Variants in MMUT observed in about 807,000 individuals in gnomAD.
MMUT encodes the protein methylmalonyl-CoA mutase, mitochondrial.
In MMUT, 79 loss-of-function variants were observed where a neutral mutation model predicts 79.9. The ratio of observed to expected loss-of-function variants is 0.99; its 90% CI spans 0.82 to 1.19. The LOEUF (loss-of-function observed/expected upper bound fraction) is 1.19. Among genes scored for constraint, MMUT ranks in the 50% most tolerant of loss-of-function variants. The pLI is 0.00. For missense variants in MMUT, 860 were observed against 917.2 expected (o/e 0.94, Z 0.81); for synonymous variants, 273 against 295.7 (o/e 0.92, Z 0.79).
intron 11 of MMUT, among the ~76,000 whole-genome samples, chr6:49,438,213 T>G (rs1767183877): frequency 6.6e-6 from 1 of 152,136 alleles, no homozygotes; most frequent in Non-Finnish European, 1.5e-5. Context: ...TACAATGTAC[T>G]TTCTAGTCAA....
rs762792688 is a variant in MMUT at position 49,447,718 on chromosome 6, T to C, written c.1512A>G (p.Ala504=). 2.9e-5 allele frequency: 47 copies of C among 1,612,114 alleles called. No individual in the cohort carries two copies. In the East Asian group the frequency reaches 1.0e-3, roughly 35 times the overall value. Residue 504 remains alanine (A), a synonymous_variant, in exon 8 of 13, where the codon GCA becomes GCG. Transcript: ENST00000274813. The stretch of plus-strand genomic sequence containing the variant: ...TGTTTCGCACTGAAGTATTATCAAT[T>C]GCCAGAACTTCTACAGCGTCTTCTT... ...LEKEDAVEVL[A]IDNTSVRNRQ... is the part of the protein sequence containing the mutation.
rs558215803 is a variant in MMUT at position 49,457,812 on chromosome 6, T to C, written c.632A>G (p.Glu211Gly). The part of the protein sequence containing the change: ...VTGEEQGVPK[E>G]KLTGTIQNDI... ...ATTTTGGATGGTACCAGTAAGCTTCTCTTTAGGTACACCTTGTTCTTCTCC... is the reference window on the plus strand; with the variant it reads ...ATTTTGGATGGTACCAGTAAGCTTCCCTTTAGGTACACCTTGTTCTTCTCC... The change falls in exon 3 of 13, where the codon GAG becomes GGG. Residue 211 changes from glutamate (E) to glycine (G), a missense_variant. Coordinates refer to ENST00000274813, the MANE Select transcript of MMUT (RefSeq NM_000255.4). 8.7e-6 allele frequency: 14 copies of C among 1,613,610 alleles called. No individual in the cohort carries two copies. The South Asian group carries it at 1.1e-4, about 13-fold the overall frequency.
intron 2 of MMUT, among the ~76,000 whole-genome samples, 164 bp downstream of exon 2, chr6:49,458,918 T>C (rs948624413): frequency 2.0e-5 from 3 of 152,198 alleles, no homozygotes; most frequent in Non-Finnish European, 4.4e-5. Context: ...TTCACTTATC[T>C]TTTTGACCAC....
chr6:49,459,389 C>T lies in MMUT; in HGVS notation c.78G>A (p.Arg26=), dbSNP rs750675392. The T allele has an allele frequency of 1.4e-5, 23 of 1,613,494 alleles. No homozygotes were observed. The highest frequency in any genetic ancestry group is 1.8e-5 in the Non-Finnish European group (21 of 1,179,858). The change falls in exon 2 of 13, where the codon AGG becomes AGA. Residue 26 remains arginine, a synonymous_variant. Transcript: ENST00000274813. ...LRQVKESSGS[R]LIQQRLLHQQ... ...GGTGTAGAAGTCGTTGCTGTATGAGCCTGGAGCCTGATGATTCTTTTACCT... is the reference window on the plus strand; with the variant it reads ...GGTGTAGAAGTCGTTGCTGTATGAGTCTGGAGCCTGATGATTCTTTTACCT...
chr6:49,447,876 T>A (rs1236444128), intron 7 of MMUT, 91 bp from the exon 8 acceptor site: 2 of 751,792 alleles, frequency 2.7e-6, no homozygotes, highest in Non-Finnish European at 4.6e-6. Flanking sequence ...AAATTTAATA[T>A]CTTTAAGTAG....
chr6:49,442,384 C>A (rs1476694287), intron 9 of MMUT, among the ~76,000 whole-genome samples: 2 of 152,042 alleles, frequency 1.3e-5, no homozygotes, highest in Non-Finnish European at 2.9e-5. Context: ...TAGCTGTGTG[C>A]CTAATATGTG....
chr6:49,436,458 G>T (rs1302848673), intron 11 of MMUT, among the ~76,000 whole-genome samples: 1 of 151,606 alleles, frequency 6.6e-6, no homozygotes, highest in Non-Finnish European at 1.5e-5. Flanking sequence ...TACAAAAATT[G>T]GCCAGGTATG....
Position 49,430,561 on chromosome 6 carries a change from A to G in MMUT, c.*1167T>C, listed in dbSNP as rs980004166. 2.0e-5 allele frequency: 3 copies of G among 152,220 alleles called. No individual in the cohort carries two copies. Among genetic ancestry groups the G allele is most frequent in the Non-Finnish European group, 2.9e-5 (2 of 68,040 alleles). The allele number at this position is 152,220 out of a possible 1,614,324, so 9.4% of individuals were successfully genotyped here. ...TAATCATGACAATACCATTCAGATA[A>G]TCATATTCTGAAAATTAAATACATT... On this transcript the variant is annotated 3_prime_UTR_variant, in exon 13 of 13. Transcript: ENST00000274813.
intron 2 of MMUT, 107 bp from the exon 3 acceptor site, chr6:49,458,165 C>T: frequency 9.1e-7 from 1 of 1,102,288 alleles, no homozygotes; most frequent in South Asian, 1.5e-5. Flanking sequence ...TAACAGTACA[C>T]TTTTATAACA....
rs1467301419 is a variant in MMUT, at chr6:49,457,954, T to C, written c.490A>G (p.Ile164Val). Reference protein sequence around the residue: ...RGDVGMAGVAIDTVEDTKILF... With the variant: ...RGDVGMAGVAVDTVEDTKILF... ...ATTTTGGTATCTTCCACAGTGTCAATAGCAACTCCAGCCATTCCAACATCA... is the reference window on the plus strand; with the variant it reads ...ATTTTGGTATCTTCCACAGTGTCAACAGCAACTCCAGCCATTCCAACATCA... The change falls in exon 3 of 13, where the codon ATT (isoleucine) becomes GTT (valine). Residue 164 changes from isoleucine (I) to valine (V), a missense_variant. Transcript: ENST00000274813. The C allele has an allele frequency of 1.2e-6, 2 of 1,611,716 alleles. No individual in the cohort carries two copies. Among genetic ancestry groups the C allele is most frequent in the South Asian group, 1.1e-5 (1 of 91,074 alleles).
chr6:49,447,654 A>T lies in MMUT; in HGVS notation c.1560+16T>A. On this transcript the variant is annotated intron_variant, in intron 8 of 12. Coordinates refer to ENST00000274813, the MANE Select transcript of MMUT (RefSeq NM_000255.4). Reference sequence around the variant, plus strand: ...GAAAATACTTAAAAAAAAAAAAAAAAGCAAGCTATTAATACCTTCTTAAGT... The same window carrying T: ...GAAAATACTTAAAAAAAAAAAAAAATGCAAGCTATTAATACCTTCTTAAGT... 6.9e-7 allele frequency: 1 copy of T among 1,459,854 alleles called. No individual in the cohort carries two copies. Among genetic ancestry groups the T allele is most frequent in the Non-Finnish European group, 9.6e-7 (1 of 1,043,946 alleles). 90.4% of individuals were successfully genotyped at this position (1,459,854 alleles called of 1,614,324 possible).
At chr6:49,456,600 C>A (rs1767697755) in intron 3 of MMUT, among the ~76,000 whole-genome samples, 1 of 152,078 alleles carries the variant, frequency 6.6e-6, no homozygotes, top group Admixed American at 6.5e-5. Flanking sequence ...ACTTGGACCT[C>A]ATAAGAGGTT....
intron 11 of MMUT, 23 bp downstream of exon 11, chr6:49,440,183 T>C: frequency 3.7e-6 from 6 of 1,613,682 alleles, no homozygotes; most frequent in Admixed American, 1.7e-5. Flanking sequence ...ACTTTTGAAA[T>C]TCCCCCCAAC....
In MMUT at chr6:49,451,450, A is replaced by G; in HGVS notation, c.1332+16T>C. ...TGTAAATTCTGAAAACAAAGTTGCA[A>G]AGTGGAAAAACTTACCTTTAAAGCA... is the stretch of plus-strand genomic sequence containing the variant. On this transcript the variant is annotated intron_variant, in intron 6 of 12. Coordinates refer to ENST00000274813, the MANE Select transcript of MMUT (RefSeq NM_000255.4). 1 of 1,613,476 alleles carries G rather than the reference A, an allele frequency of 6.2e-7. No homozygotes were observed. Among genetic ancestry groups the G allele is most frequent in the Non-Finnish European group, 8.5e-7 (1 of 1,179,676 alleles).
At chr6:49,452,474 AG>A (rs1278109991) in intron 5 of MMUT, among the ~76,000 whole-genome samples, 4 of 152,076 alleles carry the variant, frequency 2.6e-5, no homozygotes, top group Non-Finnish European at 2.9e-5. Flanking sequence ...CTGGGACTAT[AG>A]GTGCCTGCCA....
intron 3 of MMUT, among the ~76,000 whole-genome samples, chr6:49,456,540 T>TA (rs1561958554): frequency 6.6e-6 from 1 of 152,222 alleles, no homozygotes; most frequent in Non-Finnish European, 1.5e-5. Flanking sequence ...GTTAGGAATG[T>TA]AACCTTTGGC....
intron 1 of MMUT, among the ~76,000 whole-genome samples, chr6:49,460,635 G>A (rs1767818294): frequency 1.3e-5 from 2 of 152,152 alleles, no homozygotes; most frequent in Admixed American, 6.6e-5. Flanking sequence ...AAACTTGTCA[G>A]AGTCATACAG....
Position 49,453,757 on chromosome 6 carries a change from CT to C in MMUT, c.912-2del. ...TCCAATTCCCCAGAAGAAAGACAACCTAAAATAGTAACGTTAGGTCCAGAAT... is the reference window on the plus strand; with the variant it reads ...TCCAATTCCCCAGAAGAAAGACAACCAAAATAGTAACGTTAGGTCCAGAAT... On this transcript the variant is annotated splice_acceptor_variant, in intron 4 of 12. Transcript: ENST00000274813. LOFTEE classifies it high-confidence loss of function. 1 of 1,610,660 alleles carries C rather than the reference CT, an allele frequency of 6.2e-7. No individual in the cohort carries two copies. Among genetic ancestry groups the C allele is most frequent in the South Asian group, 1.1e-5 (1 of 90,994 alleles).
In MMUT at chr6:49,430,429, A is replaced by C. The variant is rs1007121910; in HGVS notation, c.*1299T>G. The C allele has an allele frequency of 1.3e-5, 2 of 152,206 alleles. No homozygotes were observed. The highest frequency in any genetic ancestry group is 4.8e-5 in the African/African-American group (2 of 41,442). The allele number at this position is 152,206 out of a possible 1,614,324, so 9.4% of individuals were successfully genotyped here. A position where few individuals can be genotyped will look rare whatever the true frequency, so the allele number is the denominator to read the frequency against. On this transcript the variant is annotated 3_prime_UTR_variant, in exon 13 of 13. Transcript: ENST00000274813. The stretch of plus-strand genomic sequence containing the variant: ...CAACTGAACACATCACAGAAACCAA[A>C]TACTTACTAAATTAGTGTGCATTGC...
Sources: gnomAD v4.1 joint callset for allele counts (sites outside exome capture counted in the v4.1 genomes callset) on GRCh38, gnomAD v4.1.1 for gene constraint, MANE v1.5 for transcripts, NCBI Gene and HGNC (gene_info 2026-07-23, HGNC 2026-07-21) for gene names.